ATP2C2: variants seen among roughly 807,000 people sequenced by gnomAD.
ATP2C2 encodes calcium-transporting ATPase type 2C member 2.
Under a neutral mutation model 110.8 loss-of-function variants are expected in ATP2C2, and 171 were observed. The ratio of observed to expected loss-of-function variants is 1.54; its 90% CI spans 1.36 to 1.75. The LOEUF is 1.75. Among genes scored for constraint, ATP2C2 ranks in the 40% most tolerant of loss-of-function variants. The pLI is 0.00. For missense variants in ATP2C2, 1,963 were observed against 1,235.0 expected, an observed-to-expected ratio of 1.59 and a Z score of -8.84; for synonymous variants, 804 against 508.4, an observed-to-expected ratio of 1.58 and a Z score of -7.82.
intron 1 of ATP2C2, among the ~76,000 whole-genome samples, chr16:84,371,341 A>G (rs1187419656): frequency 1.3e-5 from 2 of 152,142 alleles, no homozygotes; most frequent in East Asian, 3.9e-4. Flanking sequence ...ACATAGCCAG[A>G]TGCCATCTCT....
intron 3 of ATP2C2, among the ~76,000 whole-genome samples, chr16:84,406,166 C>T (rs1256368933): frequency 6.6e-6 from 1 of 152,190 alleles, no homozygotes; most frequent in African/African-American, 2.4e-5. Context: ...TAGCTGCTGC[C>T]ATCGGTGCTG....
At chr16:84,408,612 A>G in intron 4 of ATP2C2, 118 bp downstream of exon 4, 2 of 773,138 alleles carry the variant, frequency 2.6e-6, no homozygotes, top group East Asian at 2.8e-5. Context: ...AAAGGAGCAT[A>G]CAGAAGAAAG....
At chr16:84,406,972 T>A (rs1354415557) in intron 3 of ATP2C2, among the ~76,000 whole-genome samples, 1 of 152,112 alleles carries the variant, frequency 6.6e-6, no homozygotes, top group African/African-American at 2.4e-5. Context: ...TCTCTTAAAT[T>A]TCTTGAGAGC....
At chr16:84,437,301 C>T (rs781214678) in intron 11 of ATP2C2, among the ~76,000 whole-genome samples, 33 of 152,102 alleles carry the variant, frequency 2.2e-4, no homozygotes, top group Non-Finnish European at 3.8e-4. Flanking sequence ...TCAAGTGATC[C>T]TCCTACCTCA....
At chr16:84,448,779 G>T (rs988426350) in intron 17 of ATP2C2, 90 bp downstream of exon 17, 2 of 1,507,100 alleles carry the variant, frequency 1.3e-6, no homozygotes, top group African/African-American at 2.8e-5. Context: ...AGTCAAGGAG[G>T]TCACCCGTCC....
At chr16:84,398,998 C>T (rs945078175) in intron 2 of ATP2C2, among the ~76,000 whole-genome samples, 1 of 152,258 alleles carries the variant, frequency 6.6e-6, no homozygotes, top group Non-Finnish European at 1.5e-5. Context: ...AGCCCAAACT[C>T]TTGGTCATCC....
chr16:84,445,280 C>G (rs1406742851), intron 15 of ATP2C2, among the ~76,000 whole-genome samples: 1 of 151,894 alleles, frequency 6.6e-6, no homozygotes, highest in African/African-American at 2.4e-5. Context: ...TTGATCTCCG[C>G]TCACTGCAAC....
chr16:84,422,843 T>C (rs1907474750), intron 9 of ATP2C2, 146 bp downstream of exon 9: 5 of 959,190 alleles, frequency 5.2e-6, no homozygotes, highest in Admixed American at 3.1e-5. Context: ...ATTTTTTTTT[T>C]TAATAGAGAC....
chr16:84,455,646 C>T (rs1177824099), intron 21 of ATP2C2, among the ~76,000 whole-genome samples: 1 of 151,552 alleles, frequency 6.6e-6, no homozygotes, highest in Non-Finnish European at 1.5e-5. Context: ...CTTTTTAAGC[C>T]TGATACAAAA....
At chr16:84,446,489 T>TA in intron 16 of ATP2C2, 59 bp downstream of exon 16, 1 of 1,218,842 alleles carries the variant, frequency 8.2e-7, no homozygotes, top group Non-Finnish European at 1.1e-6. Context: ...CACCCAGAGA[T>TA]AAAGCAAAAT....
At chr16:84,437,395 T>G (rs980321780) in intron 11 of ATP2C2, among the ~76,000 whole-genome samples, 1 of 151,764 alleles carries the variant, frequency 6.6e-6, no homozygotes. Context: ...ATTTTTTTTT[T>G]TGTAGAAATA....
chr16:84,436,831 C>G (rs1172665017), intron 11 of ATP2C2, among the ~76,000 whole-genome samples: 1 of 147,246 alleles, frequency 6.8e-6, no homozygotes, highest in Non-Finnish European at 1.5e-5. Context: ...GGCACCATCT[C>G]AGCTCACCAC....
At chr16:84,382,148 C>T (rs1211916148) in intron 1 of ATP2C2, among the ~76,000 whole-genome samples, 3 of 152,052 alleles carry the variant, frequency 2.0e-5, no homozygotes, top group African/African-American at 7.2e-5. Flanking sequence ...CCCACACCCC[C>T]TGACAGGCCC....
At chr16:84,449,894 T>C (rs1259131842) in intron 17 of ATP2C2, among the ~76,000 whole-genome samples, 1 of 152,224 alleles carries the variant, frequency 6.6e-6, no homozygotes, top group African/African-American at 2.4e-5. Context: ...CCTCTAAATC[T>C]GCACCTGGCA....
chr16:84,387,278 T>C (rs1332235146), intron 1 of ATP2C2, among the ~76,000 whole-genome samples: 1 of 152,072 alleles, frequency 6.6e-6, no homozygotes, highest in Non-Finnish European at 1.5e-5. Flanking sequence ...TCCCAGCGCG[T>C]TGGGAGGCCC....
chr16:84,396,898 C>G lies in ATP2C2; in HGVS notation c.100-1601C>G, dbSNP rs527605287. On this transcript the variant is annotated intron_variant, in intron 1 of 26. Coordinates refer to ENST00000262429, the MANE Select transcript of ATP2C2 (RefSeq NM_014861.4). Reference sequence around the variant, plus strand: ...TGAGTGAGAAGCAGCCGCATGAAACCGAGGTGGGTAGCACAGCTTTTCTAA... The same window carrying G: ...TGAGTGAGAAGCAGCCGCATGAAACGGAGGTGGGTAGCACAGCTTTTCTAA... Among the ~76,000 whole-genome samples, 3 of 151,976 alleles carry G rather than the reference C, an allele frequency of 2.0e-5. No individual in the cohort carries two copies. In the South Asian group the frequency reaches 6.2e-4, roughly 32 times the overall value.
chr16:84,439,415 T>C lies in ATP2C2; in HGVS notation c.1112-12T>C. 3 of 1,614,002 alleles carry C rather than the reference T, an allele frequency of 1.9e-6. No homozygotes were observed. Among genetic ancestry groups the C allele is most frequent in the Non-Finnish European group, 2.5e-6 (3 of 1,179,922 alleles). The stretch of plus-strand genomic sequence containing the variant: ...CAACTTCTCTTCTATAAACTGGTGT[T>C]TGTTGTACCAGGTTGCTGCAGCGTT... On this transcript the variant is annotated splice_polypyrimidine_tract_variant and intron_variant, in intron 12 of 26. Coordinates refer to ENST00000262429, the MANE Select transcript of ATP2C2 (RefSeq NM_014861.4).
intron 15 of ATP2C2, among the ~76,000 whole-genome samples, chr16:84,444,162 C>CAAAAAAAAGAA (rs1909526725): frequency 9.6e-6 from 1 of 104,572 alleles, no homozygotes; most frequent in Non-Finnish European, 1.9e-5. Context: ...GATCCTGCCT[C>CAAAAAAAAGAA]AAAAAAAAAA....
intron 1 of ATP2C2, among the ~76,000 whole-genome samples, chr16:84,389,558 G>A (rs973704730): frequency 2.0e-5 from 3 of 152,166 alleles, no homozygotes; most frequent in African/African-American, 4.8e-5. Context: ...ACTGGCATCT[G>A]TATTTTCGTT....
Sources: allele counts gnomAD v4.1 joint callset (sites outside exome capture counted in the v4.1 genomes callset), GRCh38; gene constraint gnomAD v4.1.1; transcripts MANE v1.5; gene names NCBI Gene and HGNC (gene_info 2026-07-23, HGNC 2026-07-21).